Variants in R3HCC1L observed in about 807,000 individuals in gnomAD.
R3HCC1L encodes coiled-coil domain-containing protein R3HCC1L.
In R3HCC1L, 51 loss-of-function variants were observed where a neutral mutation model predicts 59.9. That is an observed-to-expected ratio of 0.85 (90% CI 0.68 to 1.07). R3HCC1L has a LOEUF of 1.07. R3HCC1L is among the 50% of genes least tolerant of loss of function. The pLI is 0.00. For missense variants in R3HCC1L, 965 were observed against 933.0 expected, an observed-to-expected ratio of 1.03 and a Z score of -0.45; for synonymous variants, 322 against 315.2, an observed-to-expected ratio of 1.02 and a Z score of -0.23.
chr10:98,185,236 A>G (rs1850094145), intron 4 of R3HCC1L, among the ~76,000 whole-genome samples: 1 of 152,200 alleles, frequency 6.6e-6, no homozygotes, highest in African/African-American at 2.4e-5. Flanking sequence ...AATATAAAAA[A>G]GTCAAGTCTG....
chr10:98,179,393 T>G (rs1849390440), intron 4 of R3HCC1L, among the ~76,000 whole-genome samples: 1 of 152,164 alleles, frequency 6.6e-6, no homozygotes, highest in Admixed American at 6.5e-5. Context: ...TGAACCAGCC[T>G]TGCATCCCAG....
At chr10:98,195,017 C>A (rs1209071615) in intron 4 of R3HCC1L, among the ~76,000 whole-genome samples, 1 of 152,102 alleles carries the variant, frequency 6.6e-6, no homozygotes, top group African/African-American at 2.4e-5. Flanking sequence ...TCTGCACTCC[C>A]ATGTTCAGTG....
At chr10:98,167,036 TA>T (rs983865441) in intron 4 of R3HCC1L, among the ~76,000 whole-genome samples, 10 of 149,584 alleles carry the variant, frequency 6.7e-5, no homozygotes, top group South Asian at 2.1e-4. Flanking sequence ...TATTTGATGG[TA>T]AAAAAAAAAT....
At chr10:98,141,723 A>G (rs1845155728) in intron 1 of R3HCC1L, among the ~76,000 whole-genome samples, 1 of 152,192 alleles carries the variant, frequency 6.6e-6, no homozygotes, top group Non-Finnish European at 1.5e-5. Flanking sequence ...CTACCCAGAT[A>G]GGCTAATTTG....
intron 2 of R3HCC1L, among the ~76,000 whole-genome samples, chr10:98,158,000 G>A (rs4281427): frequency 0.17 from 25,830 of 152,102 alleles, 2,645 homozygotes; most frequent in African/African-American, 0.29. Context: ...TTCCTTGATT[G>A]TGAGCTATTC....
chr10:98,142,560 C>T (rs1394966509), intron 1 of R3HCC1L, among the ~76,000 whole-genome samples: 2 of 151,854 alleles, frequency 1.3e-5, no homozygotes, highest in Non-Finnish European at 2.9e-5. Context: ...ATCACATGAG[C>T]CCAGGAGGTG....
At chr10:98,150,060 C>T (rs978308959) in intron 1 of R3HCC1L, among the ~76,000 whole-genome samples, 4 of 152,166 alleles carry the variant, frequency 2.6e-5, no homozygotes, top group Admixed American at 6.5e-5. Flanking sequence ...ATTCTTTCCT[C>T]TGTGTGATCC....
intron 5 of R3HCC1L, among the ~76,000 whole-genome samples, chr10:98,226,068 G>C (rs776693638): frequency 6.6e-6 from 1 of 152,030 alleles, no homozygotes; most frequent in Admixed American, 6.5e-5. Context: ...GGCTGGTCTT[G>C]AACTCAAGCA....
chr10:98,204,942 A>G (rs1292856540), intron 4 of R3HCC1L, among the ~76,000 whole-genome samples: 4 of 152,160 alleles, frequency 2.6e-5, no homozygotes, highest in African/African-American at 9.7e-5. Context: ...GTATCCTGAC[A>G]GTCCACAAGA....
intron 9 of R3HCC1L, among the ~76,000 whole-genome samples, chr10:98,242,795 A>G (rs1190981863): frequency 6.6e-6 from 1 of 152,114 alleles, no homozygotes; most frequent in East Asian, 1.9e-4. Context: ...ATCTCCTCCT[A>G]ACTTCTCCAT....
At chr10:98,180,540 T>C (rs1177613983) in intron 4 of R3HCC1L, among the ~76,000 whole-genome samples, 2 of 152,124 alleles carry the variant, frequency 1.3e-5, no homozygotes, top group African/African-American at 2.4e-5. Flanking sequence ...ATTCCGTTGA[T>C]TGATTTGGGG....
chr10:98,229,379 G>A (rs1564730788), intron 5 of R3HCC1L, among the ~76,000 whole-genome samples: 1 of 151,592 alleles, frequency 6.6e-6, no homozygotes, highest in East Asian at 1.9e-4. Flanking sequence ...TGATTTGGCT[G>A]TTTGTCTGTT....
At chr10:98,152,558 C>T (rs1398805808) in intron 1 of R3HCC1L, among the ~76,000 whole-genome samples, 5 of 128,364 alleles carry the variant, frequency 3.9e-5, no homozygotes, top group African/African-American at 1.3e-4. Flanking sequence ...CGCCTCTTCC[C>T]GGCCGCCATC....
chr10:98,143,678 A>G (rs908752554), intron 1 of R3HCC1L, among the ~76,000 whole-genome samples: 2 of 152,216 alleles, frequency 1.3e-5, no homozygotes, highest in African/African-American at 4.8e-5. Flanking sequence ...AAACATTAAA[A>G]TCAGGGTTGA....
intron 1 of R3HCC1L, among the ~76,000 whole-genome samples, chr10:98,150,914 A>G (rs1239495384): frequency 6.6e-6 from 1 of 152,184 alleles, no homozygotes; most frequent in African/African-American, 2.4e-5. Flanking sequence ...CAGAGATCCT[A>G]CGATGGTGGG....
chr10:98,235,757 A>G (rs1413766944), intron 8 of R3HCC1L, among the ~76,000 whole-genome samples: 1 of 152,228 alleles, frequency 6.6e-6, no homozygotes, highest in Non-Finnish European at 1.5e-5. Context: ...TCAGTTTCTG[A>G]TGACATCCCT....
intron 9 of R3HCC1L, among the ~76,000 whole-genome samples, chr10:98,239,521 C>T (rs892306350): frequency 4.6e-5 from 7 of 152,174 alleles, no homozygotes; most frequent in Non-Finnish European, 7.3e-5. Context: ...TGACCAAATA[C>T]ATGGATGACA....
chr10:98,172,666 T>C (rs1848628296), intron 4 of R3HCC1L, among the ~76,000 whole-genome samples: 1 of 152,172 alleles, frequency 6.6e-6, no homozygotes, highest in Non-Finnish European at 1.5e-5. Flanking sequence ...CAGCCGTAAC[T>C]CTGAAATACT....
At chr10:98,140,756 A>G (rs1845058759) in intron 1 of R3HCC1L, among the ~76,000 whole-genome samples, 1 of 152,166 alleles carries the variant, frequency 6.6e-6, no homozygotes, top group South Asian at 2.1e-4. Flanking sequence ...ATTTTTCCTT[A>G]AATACTAAGT....
Sources: gnomAD v4.1 joint callset for allele counts (sites outside exome capture counted in the v4.1 genomes callset) on GRCh38, gnomAD v4.1.1 for gene constraint, MANE v1.5 for transcripts, NCBI Gene and HGNC (gene_info 2026-07-23, HGNC 2026-07-21) for gene names.